The following HEMK2 variants were observed in gnomAD, a reference collection of about 807,000 sequenced individuals.
The protein encoded by HEMK2 is methyltransferase HEMK2.
chr21:28,839,839 C>G, the HEMK2 span, among the ~76,000 whole-genome samples: 1 of 152,096 alleles, frequency 6.6e-6, no homozygotes, highest in Non-Finnish European at 1.5e-5. Flanking sequence ...AATACCACCA[C>G]CATTCTTCAC....
chr21:28,837,008 T>C, the HEMK2 span, among the ~76,000 whole-genome samples: 1 of 152,070 alleles, frequency 6.6e-6, no homozygotes, highest in Non-Finnish European at 1.5e-5. Flanking sequence ...AATCTGAAAA[T>C]ATATGCACCT....
At chr21:28,665,150 C>G in the HEMK2 span, among the ~76,000 whole-genome samples, 1 of 150,462 alleles carries the variant, frequency 6.6e-6, no homozygotes, top group Non-Finnish European at 1.5e-5. Flanking sequence ...CCAGGAGTGG[C>G]GGCATGCACC....
At chr21:28,793,521 AAAGT>A in the HEMK2 span, among the ~76,000 whole-genome samples, 1 of 152,226 alleles carries the variant, frequency 6.6e-6, no homozygotes, top group Non-Finnish European at 1.5e-5. Context: ...GTGACTGATA[AAAGT>A]AAGTGGTTAT....
chr21:28,635,676 AC>A, the HEMK2 span, among the ~76,000 whole-genome samples: 1 of 152,156 alleles, frequency 6.6e-6, no homozygotes, highest in Non-Finnish European at 1.5e-5. Flanking sequence ...GGAGGTAGGT[AC>A]TATATCACCT....
chr21:28,705,987 A>T, the HEMK2 span, among the ~76,000 whole-genome samples: 74 of 151,690 alleles, frequency 4.9e-4, no homozygotes, highest in African/African-American at 1.5e-3. Context: ...ATAATTTCTA[A>T]ATCTTAAAGT....
chr21:28,765,037 G>A, the HEMK2 span, among the ~76,000 whole-genome samples: 25 of 152,196 alleles, frequency 1.6e-4, no homozygotes, highest in Non-Finnish European at 3.1e-4. Context: ...TGATGAAGTT[G>A]ATAGAATATA....
At chr21:28,693,134 G>T in the HEMK2 span, among the ~76,000 whole-genome samples, 4 of 152,094 alleles carry the variant, frequency 2.6e-5, no homozygotes, top group Admixed American at 6.5e-5. Flanking sequence ...CACTTTAAAA[G>T]GGGGGACTTT....
At chr21:28,603,594 T>TGTGTGTGTGTG in the HEMK2 span, among the ~76,000 whole-genome samples, 36 of 143,604 alleles carry the variant, frequency 2.5e-4, no homozygotes, top group East Asian at 8.0e-4. Flanking sequence ...TGTGTGTGTG[T>TGTGTGTGTGTG]TTTAGGTTGC....
chr21:28,607,862 AT>A, the HEMK2 span, among the ~76,000 whole-genome samples: 2 of 152,234 alleles, frequency 1.3e-5, no homozygotes, highest in African/African-American at 2.4e-5. Flanking sequence ...TGAAAATTAG[AT>A]TAGCATGATT....
the HEMK2 span, among the ~76,000 whole-genome samples, chr21:28,629,804 G>A: frequency 5.9e-5 from 9 of 152,262 alleles, no homozygotes; most frequent in East Asian, 1.5e-3. Flanking sequence ...TTCCGCAGGG[G>A]CCTGGAAGGC....
chr21:28,671,584 G>A, the HEMK2 span, among the ~76,000 whole-genome samples: 1 of 152,150 alleles, frequency 6.6e-6, no homozygotes, highest in Non-Finnish European at 1.5e-5. Flanking sequence ...AATACAACCT[G>A]GATTACTGCA....
the HEMK2 span, among the ~76,000 whole-genome samples, chr21:28,851,313 G>T: frequency 1.3e-5 from 2 of 152,124 alleles, no homozygotes; most frequent in African/African-American, 4.8e-5. Context: ...GGGTCATATG[G>T]CCCAAGTGTA....
chr21:28,694,775 A>C, the HEMK2 span, among the ~76,000 whole-genome samples: 1 of 152,060 alleles, frequency 6.6e-6, no homozygotes, highest in South Asian at 2.1e-4. Flanking sequence ...GAGGATCACG[A>C]GGTCAGGAGA....
the HEMK2 span, among the ~76,000 whole-genome samples, chr21:28,855,393 C>T: frequency 6.6e-6 from 1 of 152,182 alleles, no homozygotes; most frequent in South Asian, 2.1e-4. Flanking sequence ...GAGACTTAGA[C>T]TCCCACACAA....
the HEMK2 span, among the ~76,000 whole-genome samples, chr21:28,642,214 T>C: frequency 6.6e-6 from 1 of 152,224 alleles, no homozygotes; most frequent in African/African-American, 2.4e-5. Flanking sequence ...TGCTCTAGGC[T>C]GAATGCATGT....
chr21:28,686,971 A>C, the HEMK2 span, among the ~76,000 whole-genome samples: 1 of 152,250 alleles, frequency 6.6e-6, no homozygotes, highest in Non-Finnish European at 1.5e-5. Flanking sequence ...GCTAATCAAC[A>C]AACACTAGAT....
chr21:28,763,516 C>T, the HEMK2 span, among the ~76,000 whole-genome samples: 1 of 152,090 alleles, frequency 6.6e-6, no homozygotes, highest in South Asian at 2.1e-4. Flanking sequence ...GACTTCCCAC[C>T]AGGCCCCACC....
the HEMK2 span, among the ~76,000 whole-genome samples, chr21:28,763,156 C>A: frequency 6.6e-6 from 1 of 152,172 alleles, no homozygotes; most frequent in Non-Finnish European, 1.5e-5. Flanking sequence ...CTGTCATTTA[C>A]TTGTCATGGG....
chr21:28,864,546 C>T, the HEMK2 span, among the ~76,000 whole-genome samples: 91 of 152,254 alleles, frequency 6.0e-4, 2 homozygotes, highest in South Asian at 0.019. Flanking sequence ...ATAATAGCTC[C>T]TATTTCAATA....
Sources: gnomAD v4.1 joint callset for allele counts (sites outside exome capture counted in the v4.1 genomes callset) on GRCh38, gnomAD v4.1.1 for gene constraint, MANE v1.5 for transcripts, NCBI Gene and HGNC (gene_info 2026-07-23, HGNC 2026-07-21) for gene names.